The following NLGN1 variants were observed in gnomAD, a reference collection of about 807,000 sequenced individuals.
NLGN1 encodes the protein neuroligin 1, also known as neuroligin-1.
Under a neutral mutation model 65.5 loss-of-function variants are expected in NLGN1, and 12 were observed. The ratio of observed to expected loss-of-function variants is 0.18; its 90% confidence interval spans 0.12 to 0.30. NLGN1 has a LOEUF of 0.30. NLGN1 is among the 10% of genes least tolerant of loss of function. NLGN1 has a pLI of 1.00. For synonymous variants in NLGN1, 350 were observed against 359.5 expected (o/e 0.97, Z 0.30); for missense variants, 750 against 1,007.1 (o/e 0.74, Z 3.46).
At chr3:173,468,208 T>C (rs1190653163) in intron 2 of NLGN1, among the ~76,000 whole-genome samples, 3 of 152,052 alleles carry the variant, frequency 2.0e-5, no homozygotes, top group Admixed American at 2.0e-4. Context: ...AATGATTGGG[T>C]CAATGAATAA....
At chr3:173,643,358 A>G (rs1350075383) in intron 3 of NLGN1, among the ~76,000 whole-genome samples, 1 of 152,236 alleles carries the variant, frequency 6.6e-6, no homozygotes, top group Non-Finnish European at 1.5e-5. Context: ...AACACAAAAT[A>G]AATGACAACA....
At chr3:173,444,486 A>G (rs1173075766) in intron 2 of NLGN1, among the ~76,000 whole-genome samples, 2 of 152,342 alleles carry the variant, frequency 1.3e-5, no homozygotes, top group South Asian at 4.1e-4. Context: ...CAACTTCTGC[A>G]TAGTTGATTT....
chr3:173,963,302 A>G (rs1414397873), intron 4 of NLGN1, among the ~76,000 whole-genome samples: 1 of 149,320 alleles, frequency 6.7e-6, no homozygotes. Flanking sequence ...AAAATCTTAT[A>G]ATAACATTTA....
intron 2 of NLGN1, among the ~76,000 whole-genome samples, chr3:173,469,883 T>C (rs1418758502): frequency 6.6e-6 from 1 of 151,850 alleles, no homozygotes; most frequent in Non-Finnish European, 1.5e-5. Flanking sequence ...CACCTACATA[T>C]GCTTACTCCA....
intron 4 of NLGN1, among the ~76,000 whole-genome samples, chr3:174,085,769 T>G (rs1743105180): frequency 6.6e-6 from 1 of 152,114 alleles, no homozygotes. Flanking sequence ...ATATGTTGTC[T>G]GTTGGCAGCA....
chr3:174,200,578 A>G (rs535536703), intron 4 of NLGN1, among the ~76,000 whole-genome samples: 9 of 152,326 alleles, frequency 5.9e-5, no homozygotes, highest in East Asian at 3.9e-4. Context: ...AATAACTAGT[A>G]TCCAGAGTAG....
intron 3 of NLGN1, among the ~76,000 whole-genome samples, chr3:173,715,260 C>T (rs918177069): frequency 2.0e-5 from 3 of 152,076 alleles, no homozygotes; most frequent in Non-Finnish European, 4.4e-5. Flanking sequence ...TTGTTTTTGT[C>T]CAGTAAGAAT....
chr3:174,075,960 TCTGA>T (rs1045308614), intron 4 of NLGN1, among the ~76,000 whole-genome samples: 7 of 152,156 alleles, frequency 4.6e-5, no homozygotes, highest in African/African-American at 1.7e-4. Context: ...TGTAACAACA[TCTGA>T]CTAAGTAATT....
At chr3:173,712,860 TCAGAA>T (rs1769209633) in intron 3 of NLGN1, among the ~76,000 whole-genome samples, 2 of 151,982 alleles carry the variant, frequency 1.3e-5, no homozygotes, top group Admixed American at 6.6e-5. Flanking sequence ...TTGTAAAACT[TCAGAA>T]CAGGTTGGTT....
At chr3:173,676,054 GGA>G (rs1763128050) in intron 3 of NLGN1, among the ~76,000 whole-genome samples, 1 of 151,816 alleles carries the variant, frequency 6.6e-6, no homozygotes, top group South Asian at 2.1e-4. Flanking sequence ...AGTGTGCAAA[GGA>G]TCTCTCTGTA....
At chr3:174,095,553 C>T (rs530247230) in intron 4 of NLGN1, among the ~76,000 whole-genome samples, 129 of 150,072 alleles carry the variant, frequency 8.6e-4, no homozygotes, top group Non-Finnish European at 1.5e-3. Flanking sequence ...ATATATAAAA[C>T]GTGTGTATGT....
At chr3:173,680,616 T>G (rs1763822358) in intron 3 of NLGN1, among the ~76,000 whole-genome samples, 1 of 152,160 alleles carries the variant, frequency 6.6e-6, no homozygotes, top group Admixed American at 6.5e-5. Context: ...TGGAACAAGG[T>G]TATGATTCTT....
downstream of NLGN1, among the ~76,000 whole-genome samples, chr3:174,289,413 T>G (rs1577841962): frequency 1.3e-5 from 2 of 151,368 alleles, no homozygotes; most frequent in East Asian, 3.9e-4. Context: ...GCCAACTGAT[T>G]ACTCTTCCTC....
intron 4 of NLGN1, among the ~76,000 whole-genome samples, chr3:173,830,157 A>G (rs1194020857): frequency 1.3e-5 from 2 of 152,196 alleles, no homozygotes; most frequent in Non-Finnish European, 2.9e-5. Context: ...ACATCCCAGT[A>G]TGTATTCATC....
At chr3:174,200,623 A>G (rs555887656) in intron 4 of NLGN1, among the ~76,000 whole-genome samples, 1 of 152,356 alleles carries the variant, frequency 6.6e-6, no homozygotes, top group Non-Finnish European at 1.5e-5. Context: ...TAGATTTCAT[A>G]GAAAGTGCTA....
intron 2 of NLGN1, among the ~76,000 whole-genome samples, chr3:173,588,960 T>C (rs1577410797): frequency 6.6e-6 from 1 of 152,336 alleles, no homozygotes; most frequent in East Asian, 1.9e-4. Flanking sequence ...TAGGGACCGC[T>C]AAAGGAAGTT....
chr3:174,275,566 C>A, intron 5 of NLGN1, 39 bp downstream of exon 5: 1 of 1,249,778 alleles, frequency 8.0e-7, no homozygotes, highest in Non-Finnish European at 1.2e-6. Context: ...ATTTTGGTGT[C>A]TGCATGCCAC....
At chr3:173,600,592 C>CTTTCTTTTTTTTTTTTTTTTT (rs1750344058) in intron 2 of NLGN1, among the ~76,000 whole-genome samples, 1 of 103,478 alleles carries the variant, frequency 9.7e-6, no homozygotes, top group African/African-American at 3.3e-5. Flanking sequence ...AAAAACATAT[C>CTTTCTTTTTTTTTTTTTTTTT]TTTTTTTTTA....
At chr3:174,220,562 T>A (rs958380281) in intron 4 of NLGN1, among the ~76,000 whole-genome samples, 2 of 152,194 alleles carry the variant, frequency 1.3e-5, no homozygotes, top group African/African-American at 4.8e-5. Flanking sequence ...TAATAATGAA[T>A]TGGGCATGTG....
Sources: allele counts gnomAD v4.1 joint callset (sites outside exome capture counted in the v4.1 genomes callset), GRCh38; gene constraint gnomAD v4.1.1; transcripts MANE v1.5; gene names NCBI Gene and HGNC (gene_info 2026-07-23, HGNC 2026-07-21).